Variants in CCSER1 observed in about 807,000 individuals in gnomAD.
CCSER1 encodes serine-rich coiled-coil domain-containing protein 1.
In CCSER1, 41 loss-of-function variants were observed where a neutral mutation model predicts 82.0. The observed-to-expected ratio is 0.50, with a 90% CI of 0.39 to 0.65. The LOEUF (loss-of-function observed/expected upper bound fraction) is 0.65, where lower values mean the gene tolerates loss of function less well. Ranked by LOEUF, CCSER1 falls within the 30% of genes least tolerant of loss-of-function variation. The probability of loss-of-function intolerance (pLI) is 0.00; values close to 1 mark genes in which losing one functional copy is unlikely to be tolerated. For missense variants in CCSER1, 1,119 were observed against 1,064.2 expected (o/e 1.05, Z -0.72); for synonymous variants, 414 against 383.9 (o/e 1.08, Z -0.92).
chr4:91,111,332 G>A (rs1182824187), intron 10 of CCSER1, among the ~76,000 whole-genome samples: 1 of 151,910 alleles, frequency 6.6e-6, no homozygotes, highest in Non-Finnish European at 1.5e-5. Flanking sequence ...TTAACTGATT[G>A]CCTGAAGTTA....
At chr4:90,615,924 G>T (rs1425031176) in intron 5 of CCSER1, among the ~76,000 whole-genome samples, 2 of 152,018 alleles carry the variant, frequency 1.3e-5, no homozygotes, top group South Asian at 2.1e-4. Context: ...CTTCATTGTT[G>T]CCCTATTTCA....
intron 1 of CCSER1, among the ~76,000 whole-genome samples, chr4:90,281,165 G>A (rs941923293): frequency 2.2e-4 from 33 of 151,976 alleles, no homozygotes; most frequent in African/African-American, 7.5e-4. Flanking sequence ...GGAGCTGGAG[G>A]CCATTATCCT....
intron 1 of CCSER1, among the ~76,000 whole-genome samples, chr4:90,179,086 A>G (rs1349123094): frequency 2.0e-5 from 3 of 152,154 alleles, no homozygotes. Context: ...AAGTGATTCT[A>G]GTTAGTTTTA....
At chr4:91,515,761 CT>C (rs1413163121) in intron 10 of CCSER1, among the ~76,000 whole-genome samples, 1 of 151,708 alleles carries the variant, frequency 6.6e-6, no homozygotes, top group Non-Finnish European at 1.5e-5. Context: ...CTTTTTAGTT[CT>C]TTGAGGAATC....
chr4:91,271,721 A>G (rs910343601), intron 10 of CCSER1, among the ~76,000 whole-genome samples: 28 of 152,102 alleles, frequency 1.8e-4, no homozygotes, highest in African/African-American at 6.8e-4. Context: ...ATACATACAC[A>G]TATACATATG....
intron 1 of CCSER1, among the ~76,000 whole-genome samples, chr4:90,296,947 TTTGGCTTAGGATTGAC>T (rs1190484725): frequency 3.9e-5 from 6 of 152,218 alleles, no homozygotes; most frequent in Non-Finnish European, 2.9e-5. Flanking sequence ...GCTTTGTTCT[TTTGGCTTAGGATTGAC>T]TTGGCAATGT....
intron 10 of CCSER1, among the ~76,000 whole-genome samples, chr4:91,539,802 T>C (rs991194771): frequency 6.6e-5 from 10 of 152,126 alleles, no homozygotes; most frequent in Non-Finnish European, 1.0e-4. Context: ...ACATCTTTAA[T>C]TTCCAACTTA....
At chr4:90,859,421 G>A (rs1025250655) in intron 8 of CCSER1, among the ~76,000 whole-genome samples, 1 of 151,650 alleles carries the variant, frequency 6.6e-6, no homozygotes, top group Admixed American at 6.6e-5. Context: ...ATGGGAAAAA[G>A]GCTCTTTCTC....
chr4:90,402,376 G>A (rs898309813), intron 4 of CCSER1, among the ~76,000 whole-genome samples: 2 of 152,248 alleles, frequency 1.3e-5, no homozygotes, highest in South Asian at 2.1e-4. Context: ...ATTTTATTGG[G>A]TGTTGAAATG....
At chr4:90,503,633 A>C (rs570498066) in intron 5 of CCSER1, among the ~76,000 whole-genome samples, 1 of 152,096 alleles carries the variant, frequency 6.6e-6, no homozygotes, top group South Asian at 2.1e-4. Flanking sequence ...TCATTGTTCA[A>C]TTCCCACCTA....
intron 8 of CCSER1, among the ~76,000 whole-genome samples, chr4:90,879,809 T>C (rs1456478678): frequency 6.6e-6 from 1 of 152,206 alleles, no homozygotes; most frequent in Non-Finnish European, 1.5e-5. Context: ...GGGTTCTTTC[T>C]CATCTCTGTG....
At chr4:90,844,893 A>G (rs184247876) in intron 8 of CCSER1, among the ~76,000 whole-genome samples, 21 of 152,356 alleles carry the variant, frequency 1.4e-4, no homozygotes, top group Non-Finnish European at 2.6e-4. Context: ...TTTATAAGCC[A>G]TATAGTCTCT....
chr4:91,052,994 T>G (rs539880459), intron 9 of CCSER1, among the ~76,000 whole-genome samples: 3 of 152,104 alleles, frequency 2.0e-5, no homozygotes, highest in Admixed American at 6.6e-5. Flanking sequence ...CTGGTAAGGT[T>G]GTTTAGCATA....
chr4:90,835,582 G>A (rs1281062657), intron 8 of CCSER1, among the ~76,000 whole-genome samples: 4 of 152,042 alleles, frequency 2.6e-5, no homozygotes, highest in East Asian at 1.9e-4. Context: ...CATGGGATTT[G>A]CCCCCTGAGC....
intron 10 of CCSER1, among the ~76,000 whole-genome samples, chr4:91,428,787 T>C (rs933338545): frequency 1.2e-4 from 19 of 152,088 alleles, no homozygotes; most frequent in Non-Finnish European, 1.5e-4. Context: ...TGATACATTA[T>C]TGCATTTTAG....
At chr4:91,086,624 C>T (rs747348973) in intron 10 of CCSER1, among the ~76,000 whole-genome samples, 19 of 151,372 alleles carry the variant, frequency 1.3e-4, no homozygotes, top group Middle Eastern at 3.2e-3. Context: ...TCTAACTGCA[C>T]AAAAAAAATC....
At chr4:91,336,515 A>G (rs1485711943) in intron 10 of CCSER1, among the ~76,000 whole-genome samples, 1 of 152,112 alleles carries the variant, frequency 6.6e-6, no homozygotes, top group East Asian at 1.9e-4. Context: ...ATCTTTGATA[A>G]AATGTTCCTT....
chr4:90,256,550 T>G (rs1363549059), intron 1 of CCSER1, among the ~76,000 whole-genome samples: 1 of 152,174 alleles, frequency 6.6e-6, no homozygotes, highest in Non-Finnish European at 1.5e-5. Context: ...TGCTGGGTCT[T>G]ACATGCCCTG....
At chr4:91,433,781 G>T (rs1488150923) in intron 10 of CCSER1, among the ~76,000 whole-genome samples, 1 of 152,204 alleles carries the variant, frequency 6.6e-6, no homozygotes, top group Non-Finnish European at 1.5e-5. Flanking sequence ...TGTGTTGTTA[G>T]ATGATGCATG....
Sources: allele counts gnomAD v4.1 joint callset (sites outside exome capture counted in the v4.1 genomes callset), GRCh38; gene constraint gnomAD v4.1.1; transcripts MANE v1.5; gene names NCBI Gene and HGNC (gene_info 2026-07-23, HGNC 2026-07-21).